ROR2: variants seen among roughly 807,000 people sequenced by gnomAD.
ROR2 encodes ROR family WNT receptor 2, also known as tyrosine-protein kinase transmembrane receptor ROR2.
Under a neutral mutation model 74.9 loss-of-function variants are expected in ROR2, and 33 were observed. That is an observed-to-expected ratio of 0.44 (90% CI 0.33 to 0.59). The LOEUF (loss-of-function observed/expected upper bound fraction) is 0.59. Among genes scored for constraint, ROR2 ranks in the 20% least tolerant of loss-of-function variants. ROR2 has a pLI of 0.02. For synonymous variants in ROR2, 586 were observed against 558.7 expected (o/e 1.05, Z -0.69); for missense variants, 1,216 against 1,313.8 (o/e 0.93, Z 1.15).
intron 1 of ROR2, among the ~76,000 whole-genome samples, chr9:91,939,972 T>C (rs1241959849): frequency 6.6e-6 from 1 of 152,210 alleles, no homozygotes; most frequent in Non-Finnish European, 1.5e-5. Context: ...CACATTCACC[T>C]GCACAAAGAT....
chr9:91,792,519 A>G (rs1827032480), intron 1 of ROR2, among the ~76,000 whole-genome samples: 1 of 152,156 alleles, frequency 6.6e-6, no homozygotes, highest in Non-Finnish European at 1.5e-5. Flanking sequence ...CGTGTTAGCC[A>G]AGATGGTCTC....
intron 1 of ROR2, among the ~76,000 whole-genome samples, chr9:91,921,900 T>C (rs1205180867): frequency 8.8e-6 from 1 of 113,552 alleles, no homozygotes. Context: ...ACAACAATAA[T>C]AAAAAGACAA....
intron 1 of ROR2, among the ~76,000 whole-genome samples, chr9:91,917,588 C>T (rs1418523751): frequency 1.3e-5 from 2 of 152,212 alleles, no homozygotes; most frequent in Non-Finnish European, 2.9e-5. Context: ...CCTGGGCACC[C>T]AACGTTGGCC....
intron 1 of ROR2, among the ~76,000 whole-genome samples, chr9:91,937,171 C>T (rs1417003869): frequency 6.6e-6 from 1 of 151,840 alleles, no homozygotes; most frequent in Non-Finnish European, 1.5e-5. Context: ...TAGAATTAAA[C>T]AGAGACGGCT....
chr9:91,812,572 A>C (rs931746235), intron 1 of ROR2, among the ~76,000 whole-genome samples: 41 of 140,116 alleles, frequency 2.9e-4, no homozygotes, highest in South Asian at 2.3e-3. Flanking sequence ...CACCCCCCCC[A>C]CACACACGTG....
At chr9:91,756,695 C>T (rs1022937774) in intron 3 of ROR2, among the ~76,000 whole-genome samples, 14 of 151,352 alleles carry the variant, frequency 9.2e-5, no homozygotes, top group Admixed American at 8.5e-4. Flanking sequence ...GTCTTCTGGG[C>T]TCCAGGTCCA....
chr9:91,733,898 G>A lies in ROR2; in HGVS notation c.623-462C>T, dbSNP rs779946227. The stretch of plus-strand genomic sequence containing the variant: ...ATCTGTCTGGGGAGAAGGCTGTCCC[G>A]GAAGAGGGAGTCAGCTCAGCTCTGT... On this transcript the variant is annotated intron_variant, in intron 5 of 8. Transcript: ENST00000375708. The surrounding 1 kb of genome is among the most constrained non-coding windows in gnomAD (Gnocchi z 5.7). Among the ~76,000 whole-genome samples the A allele has an allele frequency of 3.3e-5, 5 of 152,164 alleles. No homozygotes were observed. The highest frequency in any genetic ancestry group is 2.1e-4 in the South Asian group (1 of 4,822).
intron 1 of ROR2, among the ~76,000 whole-genome samples, chr9:91,893,327 C>T (rs1830468206): frequency 6.6e-6 from 1 of 152,132 alleles, no homozygotes; most frequent in African/African-American, 2.4e-5. Context: ...GTAGTCCCAG[C>T]TACTCAGGGG....
intron 1 of ROR2, among the ~76,000 whole-genome samples, chr9:91,806,983 A>C (rs1827589957): frequency 6.6e-6 from 1 of 152,166 alleles, no homozygotes; most frequent in African/African-American, 2.4e-5. Context: ...GGGAAACAGA[A>C]TCTCTGACCT....
intron 1 of ROR2, among the ~76,000 whole-genome samples, chr9:91,928,375 A>G (rs1004990928): frequency 6.6e-6 from 1 of 152,198 alleles, no homozygotes; most frequent in Non-Finnish European, 1.5e-5. Flanking sequence ...GGAAATGTAA[A>G]TAACAAAATC....
At position 91,724,704 on chromosome 9, in the gene ROR2, GC is replaced by G; in HGVS notation, c.1789del (p.Ala597HisfsTer26). 1 of 1,614,214 alleles carries G rather than the reference GC, an allele frequency of 6.2e-7. No homozygotes were observed. The highest frequency in any genetic ancestry group is 8.5e-7 in the Non-Finnish European group (1 of 1,180,032). Reference protein sequence around the residue: ...LEPPDFVHLVAQIAAGMEYLS... With the variant: ...LEPPDFVHLVXQIAAGMEYLS... Reference sequence around the variant, plus strand: ...GTACTCCATCCCCGCCGCGATCTGTGCCACAAGGTGCACGAAGTCGGGGGGC... The same window carrying G: ...GTACTCCATCCCCGCCGCGATCTGTGCACAAGGTGCACGAAGTCGGGGGGC... On this transcript the variant is annotated frameshift_variant, in exon 9 of 9. Coordinates refer to ENST00000375708, the MANE Select transcript of ROR2 (RefSeq NM_004560.4). LOFTEE classifies it high-confidence loss of function.
intron 1 of ROR2, among the ~76,000 whole-genome samples, chr9:91,842,723 C>T (rs1587773225): frequency 6.6e-6 from 1 of 152,228 alleles, no homozygotes; most frequent in African/African-American, 2.4e-5. Context: ...GCAGGAGGTG[C>T]CAGGGCTCCT....
At chr9:91,941,436 T>C (rs1389280678) in intron 1 of ROR2, among the ~76,000 whole-genome samples, 2 of 152,212 alleles carry the variant, frequency 1.3e-5, no homozygotes, top group East Asian at 1.9e-4. Flanking sequence ...GAGATGACAA[T>C]AGTAGGCTGG....
Position 91,905,638 on chromosome 9 carries a change from AC to A in ROR2, c.97+44228del, listed in dbSNP as rs1830795169. Among the ~76,000 whole-genome samples the A allele has an allele frequency of 6.6e-6, 1 of 151,198 alleles. No homozygotes were observed. ...ATACAGATGCCCCCAACACACATAA[AC>A]ACACATAACACACACGTACACCACA... is the stretch of plus-strand genomic sequence containing the variant. On this transcript the variant is annotated intron_variant, in intron 1 of 8. Coordinates refer to ENST00000375708, the MANE Select transcript of ROR2 (RefSeq NM_004560.4). The surrounding 1 kb of genome is among the most constrained non-coding windows in gnomAD (Gnocchi z 5.3).
intron 1 of ROR2, among the ~76,000 whole-genome samples, chr9:91,842,939 T>C (rs1012638140): frequency 6.6e-6 from 1 of 152,232 alleles, no homozygotes; most frequent in Non-Finnish European, 1.5e-5. Flanking sequence ...ATGCTCCCAA[T>C]TGAGAGCTGC....
At position 91,733,181 on chromosome 9, in the gene ROR2, T is replaced by G. The variant is rs1244245729; in HGVS notation, c.878A>C (p.Glu293Ala). 1 of 1,609,768 alleles carries G rather than the reference T, an allele frequency of 6.2e-7. No homozygotes were observed. The highest frequency in any genetic ancestry group is 1.1e-5 in the South Asian group (1 of 90,350). Residue 293 changes from glutamate to alanine, a missense_variant, in exon 6 of 9, where the codon GAG becomes GCG. Physicochemically the swap from Glu to Ala is moderately radical, Grantham distance 107. Transcript: ENST00000375708. This position sits in a 1 kb window ranked among gnomAD's most constrained non-coding sequence, Gnocchi z 5.7. The stretch of plus-strand genomic sequence containing the variant: ...CATGCAGTTGGCAGCGTCGGGGCTC[T>G]CAGGCATGGGCAGCGCCTCACACTT... ...LPKCEALPMP[E>A]SPDAANCMRI...
rs1271395706 is a variant in ROR2, at chr9:91,838,577, C to T, written c.98-62759G>A. 3.3e-5 allele frequency among the ~76,000 whole-genome samples: 5 copies of T among 152,324 alleles called. No individual in the cohort carries two copies. In the East Asian group the frequency reaches 9.7e-4, roughly 29 times the overall value. On this transcript the variant is annotated intron_variant, in intron 1 of 8. Coordinates refer to ENST00000375708, the MANE Select transcript of ROR2 (RefSeq NM_004560.4). ...GTTAAGATCTCATCTTCAGAACCCTCTGCTTCTGATGTTACCACTGGGGAA... is the reference window on the plus strand; with the variant it reads ...GTTAAGATCTCATCTTCAGAACCCTTTGCTTCTGATGTTACCACTGGGGAA...
chr9:91,793,054 C>T (rs1827052647), intron 1 of ROR2, among the ~76,000 whole-genome samples: 1 of 152,188 alleles, frequency 6.6e-6, no homozygotes, highest in Non-Finnish European at 1.5e-5. Context: ...TACTTTCCAA[C>T]TTATTCTATG....
intron 1 of ROR2, among the ~76,000 whole-genome samples, chr9:91,880,168 A>G (rs4744110): frequency 0.3 from 45,320 of 151,710 alleles, 7,272 homozygotes; most frequent in Admixed American, 0.44. Flanking sequence ...CCTTATAAGA[A>G]AAAAAAAGGA....
Sources: gnomAD v4.1 joint callset for allele counts (sites outside exome capture counted in the v4.1 genomes callset) on GRCh38, gnomAD v4.1.1 for gene constraint, Gnocchi (gnomAD v3.1) non-coding constraint, MANE v1.5 for transcripts, NCBI Gene and HGNC (gene_info 2026-07-23, HGNC 2026-07-21) for gene names.